UGT1A7: variants seen among roughly 807,000 people sequenced by gnomAD.
The protein encoded by UGT1A7 is UDP-glucuronosyltransferase 1A7.
Under a neutral mutation model 45.6 loss-of-function variants are expected in UGT1A7, and 33 were observed. The observed-to-expected ratio is 0.72, with a 90% CI of 0.55 to 0.97. The LOEUF (loss-of-function observed/expected upper bound fraction) is 0.97, where lower values mean the gene tolerates loss of function less well. UGT1A7 is among the 50% of genes least tolerant of loss of function. UGT1A7 has a pLI of 0.00. For synonymous variants in UGT1A7, 274 were observed against 250.6 expected (o/e 1.09, Z -0.88); for missense variants, 684 against 666.2 (o/e 1.03, Z -0.29).
At chr2:233,753,836 T>C (rs1228846526) in intron 1 of UGT1A7, among the ~76,000 whole-genome samples, 5 of 152,234 alleles carry the variant, frequency 3.3e-5, no homozygotes, top group African/African-American at 1.2e-4. Context: ...AAGACAGTCC[T>C]AGTATATCAT....
rs772323703 is a variant in UGT1A7, at chr2:233,682,012, A to C, written c.75A>C (p.Ala25=). 1.8e-5 allele frequency: 29 copies of C among 1,614,092 alleles called. No homozygotes were observed. Among genetic ancestry groups the C allele is most frequent in the Non-Finnish European group, 2.4e-5 (28 of 1,180,008 alleles). The change falls in exon 1 of 5, where the codon GCA becomes GCC. Residue 25 remains alanine, a synonymous_variant. Coordinates refer to ENST00000373426, the MANE Select transcript of UGT1A7 (RefSeq NM_019077.3). ...CLLLTCGFAK[A]GKLLVVPMDG... is the part of the protein sequence containing the mutation. ...TGCTGACCTGTGGCTTTGCCAAGGC[A>C]GGGAAGCTGCTGGTAGTGCCCATGG...
At chr2:233,714,401 A>T (rs748552195) in intron 1 of UGT1A7, among the ~76,000 whole-genome samples, 14 of 152,172 alleles carry the variant, frequency 9.2e-5, no homozygotes, top group Non-Finnish European at 1.9e-4. Flanking sequence ...TGTAGGTGCA[A>T]TGGATGTCTG....
intron 1 of UGT1A7, chr2:233,713,949 T>C: frequency 1.2e-6 from 2 of 1,609,382 alleles, no homozygotes; most frequent in South Asian, 2.2e-5. Flanking sequence ...TATCTACTTA[T>C]CTTTCCAAAG....
intron 1 of UGT1A7, among the ~76,000 whole-genome samples, chr2:233,723,472 A>G (rs1156962983): frequency 1.5e-5 from 2 of 137,344 alleles, no homozygotes; most frequent in African/African-American, 5.7e-5. Context: ...AGCCTCCCAA[A>G]GTGCTAGGAT....
At chr2:233,707,478 T>C (rs2075963817) in intron 1 of UGT1A7, among the ~76,000 whole-genome samples, 1 of 152,122 alleles carries the variant, frequency 6.6e-6, no homozygotes, top group African/African-American at 2.4e-5. Context: ...ATAATACAGA[T>C]GATTTTACCT....
chr2:233,738,354 G>C (rs1033187922), intron 1 of UGT1A7, among the ~76,000 whole-genome samples: 1 of 152,188 alleles, frequency 6.6e-6, no homozygotes, highest in Non-Finnish European at 1.5e-5. Flanking sequence ...CATGGAGAGT[G>C]GGGTACTGCT....
chr2:233,689,563 A>AT (rs1226947412), intron 1 of UGT1A7, among the ~76,000 whole-genome samples: 8 of 152,172 alleles, frequency 5.3e-5, no homozygotes, highest in African/African-American at 1.7e-4. Flanking sequence ...GAATTCAGAG[A>AT]TTTTCTGATT....
At chr2:233,752,742 C>T (rs1695047003) in intron 1 of UGT1A7, among the ~76,000 whole-genome samples, 1 of 152,068 alleles carries the variant, frequency 6.6e-6, no homozygotes, top group South Asian at 2.1e-4. Flanking sequence ...GAGACCCTGT[C>T]TCTAAAACAA....
chr2:233,751,468 G>T (rs1694737007), intron 1 of UGT1A7, among the ~76,000 whole-genome samples: 1 of 152,190 alleles, frequency 6.6e-6, no homozygotes, highest in African/African-American at 2.4e-5. Flanking sequence ...AGGCACGATT[G>T]GTTTTGAAAT....
At chr2:233,723,984 CCGCCTTTCT>C (rs1314945551) in intron 1 of UGT1A7, among the ~76,000 whole-genome samples, 116 of 66,216 alleles carry the variant, frequency 1.8e-3, no homozygotes, top group South Asian at 2.6e-3. Context: ...CCCACCTTTC[CCGCCTTTCT>C]ATTCCACAAA....
rs1054717922 is a variant in UGT1A7, at chr2:233,744,074, G to A, written c.856-22960G>A. On this transcript the variant is annotated intron_variant, in intron 1 of 4. Coordinates refer to ENST00000373426, the MANE Select transcript of UGT1A7 (RefSeq NM_019077.3). ...ATTGGTCGAGGCCTATGAGCGCCTC[G>A]CATCCCAAGATGCAGTGCTTCTGGG... The A allele has an allele frequency of 7.4e-5, 35 of 470,704 alleles. No homozygotes were observed. In the Middle Eastern group the frequency reaches 2.5e-3, roughly 34 times the overall value. 29.2% of individuals were successfully genotyped at this position (470,704 alleles called of 1,614,324 possible). A position where few individuals can be genotyped will look rare whatever the true frequency, so the allele number is the denominator to read the frequency against.
intron 4 of UGT1A7, among the ~76,000 whole-genome samples, chr2:233,768,745 G>A (rs1699716714): frequency 1.3e-5 from 2 of 151,730 alleles, no homozygotes; most frequent in Admixed American, 1.3e-4. Context: ...ACCACGCCCG[G>A]TTAATTTTTG....
chr2:233,719,282 T>C, intron 1 of UGT1A7: 1 of 1,614,148 alleles, frequency 6.2e-7, no homozygotes, highest in Non-Finnish European at 8.5e-7. Context: ...CAGACCCCGT[T>C]AACCTCTGTG....
chr2:233,762,928 A>G (rs1698198044), intron 1 of UGT1A7, among the ~76,000 whole-genome samples: 1 of 152,220 alleles, frequency 6.6e-6, no homozygotes, highest in African/African-American at 2.4e-5. Flanking sequence ...TAGAATCTCT[A>G]AAAACAGTTG....
In UGT1A7 at chr2:233,713,252, C is replaced by T. The variant is rs17874941; in HGVS notation, c.855+30460C>T. On this transcript the variant is annotated intron_variant, in intron 1 of 4. Coordinates refer to ENST00000373426, the MANE Select transcript of UGT1A7 (RefSeq NM_019077.3). ...CGTATGCCATTTCATGGACCCAGGA[C>T]GAATTTGATCGCCTTTTGCTGGGTC... 2,469 of 1,614,186 alleles carry T rather than the reference C, an allele frequency of 1.5e-3. 3 individuals carry two copies. The highest frequency in any genetic ancestry group is 2.0e-3 in the Non-Finnish European group (2,339 of 1,180,040).
chr2:233,738,576 G>A (rs1326024752), intron 1 of UGT1A7, among the ~76,000 whole-genome samples: 1 of 152,168 alleles, frequency 6.6e-6, no homozygotes, highest in Non-Finnish European at 1.5e-5. Context: ...TTGAGAACTG[G>A]AGCAAAGGTC....
chr2:233,728,928 C>T (rs545859432), intron 1 of UGT1A7, among the ~76,000 whole-genome samples: 7 of 152,102 alleles, frequency 4.6e-5, no homozygotes, highest in African/African-American at 7.2e-5. Context: ...TAGTCATGAT[C>T]GGTCTTTTCC....
intron 1 of UGT1A7, among the ~76,000 whole-genome samples, chr2:233,686,214 T>G (rs1292644045): frequency 6.6e-6 from 1 of 151,828 alleles, no homozygotes; most frequent in Non-Finnish European, 1.5e-5. Flanking sequence ...ATTAGAAAAA[T>G]ATTTGTGACC....
At chr2:233,729,203 C>T in intron 1 of UGT1A7, 1 of 1,614,022 alleles carries the variant, frequency 6.2e-7, no homozygotes, top group Non-Finnish European at 8.5e-7. Flanking sequence ...CAGCCCTGGG[C>T]TGAGAGTGGA....
Sources: gnomAD v4.1 joint callset for allele counts (sites outside exome capture counted in the v4.1 genomes callset) on GRCh38, gnomAD v4.1.1 for gene constraint, MANE v1.5 for transcripts, NCBI Gene and HGNC (gene_info 2026-07-23, HGNC 2026-07-21) for gene names.